The following MTHFD1L variants were observed in gnomAD, a reference collection of about 807,000 sequenced individuals.
MTHFD1L encodes the protein monofunctional C1-tetrahydrofolate synthase, mitochondrial.
Under a neutral mutation model 119.5 loss-of-function variants are expected in MTHFD1L, and 81 were observed. The ratio of observed to expected loss-of-function variants is 0.68; its 90% CI spans 0.57 to 0.82. The LOEUF is 0.82. Among genes scored for constraint, MTHFD1L ranks in the 40% least tolerant of loss-of-function variants. The pLI, the probability that MTHFD1L is intolerant of heterozygous loss-of-function variation, is 0.00. For synonymous variants in MTHFD1L, 430 were observed against 475.2 expected, an observed-to-expected ratio of 0.90 and a Z score of 1.24; for missense variants, 1,125 against 1,253.4, an observed-to-expected ratio of 0.90 and a Z score of 1.55.
At chr6:150,929,190 A>C (rs1187106384) in intron 11 of MTHFD1L, among the ~76,000 whole-genome samples, 1 of 152,164 alleles carries the variant, frequency 6.6e-6, no homozygotes, top group African/African-American at 2.4e-5. Flanking sequence ...GGGTTGTTTT[A>C]TGGCAGTATG....
rs1047324377 is a variant in MTHFD1L, at chr6:151,082,537, C to A, written c.2848-9930C>A. The stretch of plus-strand genomic sequence containing the variant: ...GAACAATCTCATAATACTAATGAAA[C>A]CTTTTTTCCCATAAAATAAATACAT... On this transcript the variant is annotated intron_variant, in intron 26 of 27. Transcript: ENST00000367321. 6.6e-5 allele frequency among the ~76,000 whole-genome samples: 10 copies of A among 152,112 alleles called. No individual in the cohort carries two copies. In the South Asian group the frequency reaches 1.5e-3, roughly 22 times the overall value.
In MTHFD1L at chr6:150,938,618, G is replaced by A; in HGVS notation, c.1394-81G>A. 7 of 1,476,890 alleles carry A rather than the reference G, an allele frequency of 4.7e-6. No individual in the cohort carries two copies. The South Asian group carries it at 8.4e-5, about 18-fold the overall frequency. 91.5% of individuals were successfully genotyped at this position (1,476,890 alleles called of 1,614,324 possible). On this transcript the variant is annotated intron_variant, in intron 12 of 27. Transcript: ENST00000367321. ...GTGACGCCTCTCTGTTGGGTTTGGG[G>A]AGCTGTGTCCCTTGGCCTGTGTCCA...
At chr6:151,018,712 G>A (rs1026857845) in intron 24 of MTHFD1L, among the ~76,000 whole-genome samples, 1 of 152,156 alleles carries the variant, frequency 6.6e-6, no homozygotes, top group African/African-American at 2.4e-5. Context: ...GACAGTGACT[G>A]AGTGACCCCC....
At chr6:151,082,746 A>G (rs990050358) in intron 26 of MTHFD1L, among the ~76,000 whole-genome samples, 1 of 152,192 alleles carries the variant, frequency 6.6e-6, no homozygotes, top group African/African-American at 2.4e-5. Context: ...AAATGACTCC[A>G]TAATATATTG....
chr6:151,085,013 T>G (rs186989322), intron 26 of MTHFD1L, among the ~76,000 whole-genome samples: 34 of 129,920 alleles, frequency 2.6e-4, no homozygotes, highest in African/African-American at 9.3e-4. Flanking sequence ...ATGTATATAT[T>G]TATATATGTA....
intron 20 of MTHFD1L, among the ~76,000 whole-genome samples, chr6:151,003,991 A>G (rs1359590889): frequency 7.3e-6 from 1 of 137,210 alleles, no homozygotes; most frequent in Non-Finnish European, 1.6e-5. Context: ...TGAAGTGAGG[A>G]TGTTAATGCT....
At chr6:150,902,047 A>G (rs1039002558) in intron 7 of MTHFD1L, among the ~76,000 whole-genome samples, 6 of 152,180 alleles carry the variant, frequency 3.9e-5, no homozygotes, top group African/African-American at 1.4e-4. Flanking sequence ...CTGTTTCAAA[A>G]CACATTGATA....
intron 26 of MTHFD1L, among the ~76,000 whole-genome samples, chr6:151,066,928 A>G (rs893243534): frequency 9.2e-5 from 14 of 152,016 alleles, no homozygotes; most frequent in Non-Finnish European, 7.4e-5. Context: ...TTTCATATTC[A>G]GCTCATTAAA....
At chr6:150,871,123 T>C (rs1779406913) in intron 1 of MTHFD1L, among the ~76,000 whole-genome samples, 1 of 143,542 alleles carries the variant, frequency 7.0e-6, no homozygotes, top group African/African-American at 2.6e-5. Flanking sequence ...TATATTAATA[T>C]ATATCTTAAT....
chr6:150,893,041 G>C (rs930894462), intron 7 of MTHFD1L, among the ~76,000 whole-genome samples: 1 of 152,052 alleles, frequency 6.6e-6, no homozygotes. Flanking sequence ...AAAAACACTG[G>C]AAGTAAAAAT....
intron 20 of MTHFD1L, among the ~76,000 whole-genome samples, chr6:150,981,592 C>T (rs751641239): frequency 1.3e-5 from 2 of 152,168 alleles, no homozygotes; most frequent in Non-Finnish European, 2.9e-5. Flanking sequence ...ATGGCAAGAT[C>T]ATAAATAGTT....
chr6:150,878,147 C>CA (rs1384125119), intron 4 of MTHFD1L, among the ~76,000 whole-genome samples: 2 of 152,324 alleles, frequency 1.3e-5, no homozygotes, highest in East Asian at 3.9e-4. Context: ...ATCCCTGTGC[C>CA]AGGGCCCGGC....
intron 7 of MTHFD1L, among the ~76,000 whole-genome samples, chr6:150,904,706 C>G (rs1459854251): frequency 6.6e-6 from 1 of 152,190 alleles, no homozygotes; most frequent in Admixed American, 6.6e-5. Flanking sequence ...CAAAGCCAAC[C>G]TCTTTGCCTA....
intron 7 of MTHFD1L, among the ~76,000 whole-genome samples, chr6:150,895,615 T>TG (rs1388656987): frequency 7.7e-6 from 1 of 129,400 alleles, no homozygotes; most frequent in Admixed American, 7.4e-5. Context: ...TTTTTGTGGT[T>TG]TTTTTTTTTT....
intron 26 of MTHFD1L, among the ~76,000 whole-genome samples, chr6:151,051,796 A>C (rs1392175929): frequency 6.6e-6 from 1 of 152,246 alleles, no homozygotes; most frequent in South Asian, 2.1e-4. Context: ...CACAGTGGGC[A>C]GGGTAGGCCA....
intron 20 of MTHFD1L, among the ~76,000 whole-genome samples, chr6:150,991,861 T>C (rs925145937): frequency 6.6e-6 from 1 of 152,196 alleles, no homozygotes; most frequent in Non-Finnish European, 1.5e-5. Flanking sequence ...CCTGAGAAGA[T>C]GGCACTGAGG....
At chr6:150,877,985 C>T (rs923911222) in intron 4 of MTHFD1L, among the ~76,000 whole-genome samples, 159 bp downstream of exon 4, 15 of 152,208 alleles carry the variant, frequency 9.9e-5, no homozygotes, top group Non-Finnish European at 1.9e-4. Context: ...GTAAATGCTT[C>T]ATGATATCCT....
intron 12 of MTHFD1L, among the ~76,000 whole-genome samples, chr6:150,937,715 A>C (rs1001185918): frequency 6.6e-6 from 1 of 152,160 alleles, no homozygotes; most frequent in Non-Finnish European, 1.5e-5. Flanking sequence ...ACCCTTGGCC[A>C]CTTGAGCCAG....
At chr6:150,934,847 T>G in intron 11 of MTHFD1L, 1 of 1,272,078 alleles carries the variant, frequency 7.9e-7, no homozygotes, top group Non-Finnish European at 1.1e-6. Flanking sequence ...TGCCAATGCT[T>G]TCTCATTTGG....
Sources: gnomAD v4.1 joint callset for allele counts (sites outside exome capture counted in the v4.1 genomes callset) on GRCh38, gnomAD v4.1.1 for gene constraint, MANE v1.5 for transcripts, NCBI Gene and HGNC (gene_info 2026-07-23, HGNC 2026-07-21) for gene names.